Variants in CMIP observed in about 807,000 individuals in gnomAD.
CMIP encodes C-Maf-inducing protein.
A neutral mutation model predicts 97.3 loss-of-function variants in CMIP; 13 were observed. The observed-to-expected ratio is 0.13, with a 90% CI of 0.09 to 0.21. CMIP has a LOEUF of 0.21. Among genes scored for constraint, CMIP ranks in the 10% least tolerant of loss-of-function variants. The pLI is 1.00. For synonymous variants in CMIP, 538 were observed against 436.3 expected, an observed-to-expected ratio of 1.23 and a Z score of -2.91; for missense variants, 847 against 1,024.9, an observed-to-expected ratio of 0.83 and a Z score of 2.37.
chr16:81,660,614 C>T (rs1299410510), intron 5 of CMIP, among the ~76,000 whole-genome samples: 5 of 152,136 alleles, frequency 3.3e-5, no homozygotes. Flanking sequence ...ATGTTTTCAT[C>T]AGGAAAAGAG....
chr16:81,505,117 C>T (rs2089684755), intron 1 of CMIP, among the ~76,000 whole-genome samples: 1 of 152,176 alleles, frequency 6.6e-6, no homozygotes, highest in Non-Finnish European at 1.5e-5. Flanking sequence ...GTGCAGTGAC[C>T]CAGCCGATGG....
Position 81,616,266 on chromosome 16 carries a change from C to T in CMIP, c.427-4610C>T, listed in dbSNP as rs867391148. Among the ~76,000 whole-genome samples, 32 of 152,020 alleles carry T rather than the reference C, an allele frequency of 2.1e-4. No homozygotes were observed. The highest frequency in any genetic ancestry group is 7.3e-4 in the African/African-American group (30 of 41,372). On this transcript the variant is annotated intron_variant, in intron 2 of 20. Transcript: ENST00000537098. The surrounding 1 kb of genome is among the most constrained non-coding windows in gnomAD (Gnocchi z 4.7). Reference sequence around the variant, plus strand: ...GGTGGGACATAAATACCCAGCCAGCCTCAGGGTGTGGGCCGAGGGCTTGAA... The same window carrying T: ...GGTGGGACATAAATACCCAGCCAGCTTCAGGGTGTGGGCCGAGGGCTTGAA...
intron 1 of CMIP, among the ~76,000 whole-genome samples, chr16:81,523,913 C>T (rs1391939099): frequency 6.6e-6 from 1 of 152,264 alleles, no homozygotes; most frequent in African/African-American, 2.4e-5. Context: ...AAGCCAGCGC[C>T]TGCACACCGG....
chr16:81,470,153 A>G (rs563150323), intron 1 of CMIP, among the ~76,000 whole-genome samples: 43 of 152,398 alleles, frequency 2.8e-4, no homozygotes, highest in African/African-American at 1.0e-3. Context: ...CAGTTTAAAG[A>G]GAATTTCAAA....
chr16:81,475,498 TTTG>T (rs1266289484), intron 1 of CMIP, among the ~76,000 whole-genome samples: 1 of 152,214 alleles, frequency 6.6e-6, no homozygotes, highest in Non-Finnish European at 1.5e-5. Context: ...AGATTTTTTT[TTTG>T]TTATTATATA....
At chr16:81,639,874 C>A (rs1275834922) in intron 3 of CMIP, among the ~76,000 whole-genome samples, 1 of 152,160 alleles carries the variant, frequency 6.6e-6, no homozygotes, top group East Asian at 1.9e-4. Context: ...GGTCAAGAAC[C>A]CTGCCTGATA....
chr16:81,465,436 G>T (rs1460722229), intron 1 of CMIP, among the ~76,000 whole-genome samples: 1 of 152,198 alleles, frequency 6.6e-6, no homozygotes, highest in Non-Finnish European at 1.5e-5. Context: ...CGTGTCTGAC[G>T]CTGTGTCCTG....
intron 2 of CMIP, among the ~76,000 whole-genome samples, chr16:81,617,968 G>C (rs2091942839): frequency 6.6e-6 from 1 of 152,128 alleles, no homozygotes; most frequent in African/African-American, 2.4e-5. Flanking sequence ...CCTTCTTTTT[G>C]TCTTTGCTTG....
intron 1 of CMIP, among the ~76,000 whole-genome samples, chr16:81,579,617 C>T (rs1258570350): frequency 6.8e-6 from 1 of 147,376 alleles, no homozygotes; most frequent in Non-Finnish European, 1.5e-5. Flanking sequence ...ATGGCCCAGC[C>T]CTGCTCCCCC....
intron 1 of CMIP, among the ~76,000 whole-genome samples, chr16:81,583,035 G>A (rs907949251): frequency 9.2e-5 from 14 of 152,196 alleles, no homozygotes; most frequent in African/African-American, 3.4e-4. Context: ...TTAAAGCGAG[G>A]AAAGAAGGAG....
intron 1 of CMIP, among the ~76,000 whole-genome samples, chr16:81,478,152 C>G (rs1293959911): frequency 1.3e-5 from 2 of 152,156 alleles, no homozygotes; most frequent in Non-Finnish European, 2.9e-5. Context: ...CCAGTCTCCA[C>G]TTCACTCTTG....
intron 1 of CMIP, among the ~76,000 whole-genome samples, chr16:81,521,221 G>A (rs992208314): frequency 3.3e-5 from 5 of 152,326 alleles, no homozygotes; most frequent in East Asian, 1.9e-4. Context: ...GAGGCCTTTC[G>A]GCAAGCCTTC....
chr16:81,600,997 A>G (rs1045696006), intron 1 of CMIP, among the ~76,000 whole-genome samples: 1 of 152,020 alleles, frequency 6.6e-6, no homozygotes, highest in Admixed American at 6.6e-5. Context: ...GCCACGTGGA[A>G]CCCGACTGTG....
intron 1 of CMIP, among the ~76,000 whole-genome samples, chr16:81,504,306 A>G (rs1056489483): frequency 3.3e-5 from 5 of 151,676 alleles, no homozygotes; most frequent in Admixed American, 6.6e-5. Flanking sequence ...AGCCTTGGTG[A>G]TAGAGTGAGA....
chr16:81,686,176 C>G (rs1182148998), intron 10 of CMIP, among the ~76,000 whole-genome samples: 1 of 152,238 alleles, frequency 6.6e-6, no homozygotes, highest in Non-Finnish European at 1.5e-5. Context: ...ACGAGGTTTG[C>G]TGTCAACTGC....
At chr16:81,550,087 C>G (rs2090623531) in intron 1 of CMIP, among the ~76,000 whole-genome samples, 1 of 152,188 alleles carries the variant, frequency 6.6e-6, no homozygotes. Flanking sequence ...TTCACCCCAC[C>G]CCTATGGCTG....
Position 81,652,713 on chromosome 16 carries a change from A to G in CMIP, c.639+349A>G, listed in dbSNP as rs1484884002. On this transcript the variant is annotated intron_variant, in intron 4 of 20. Transcript: ENST00000537098. The surrounding 1 kb of genome is among the most constrained non-coding windows in gnomAD (Gnocchi z 5.2). ...TTCAGCTTTCTGCCCTCGTCACCCC[A>G]CAAAGCCTGTAGATGTGCTCTGTTT... Among the ~76,000 whole-genome samples, 1 of 152,138 alleles carries G rather than the reference A, an allele frequency of 6.6e-6. No individual in the cohort carries two copies. The highest frequency in any genetic ancestry group is 1.5e-5 in the Non-Finnish European group (1 of 68,024).
chr16:81,666,776 T>C (rs758664152), intron 7 of CMIP: 2 of 152,194 alleles, frequency 1.3e-5, no homozygotes, highest in African/African-American at 4.8e-5. Context: ...CCGCCTCTCG[T>C]GTAGAAGAAC....
At chr16:81,661,075 C>CA (rs1392242391) in intron 6 of CMIP, 129 bp downstream of exon 6, 3 of 1,123,336 alleles carry the variant, frequency 2.7e-6, no homozygotes, top group Non-Finnish European at 4.1e-6. Context: ...GTCCCAGACA[C>CA]AGGCGGAGAG....
Sources: gnomAD v4.1 joint callset for allele counts (sites outside exome capture counted in the v4.1 genomes callset) on GRCh38, gnomAD v4.1.1 for gene constraint, Gnocchi (gnomAD v3.1) non-coding constraint, MANE v1.5 for transcripts, NCBI Gene and HGNC (gene_info 2026-07-23, HGNC 2026-07-21) for gene names.